WNT7B: variants seen among roughly 807,000 people sequenced by gnomAD.
WNT7B encodes the protein protein Wnt-7b.
A neutral mutation model predicts 38.2 loss-of-function variants in WNT7B; 19 were observed. That is an observed-to-expected ratio of 0.50 (90% CI 0.35 to 0.73). The LOEUF is 0.73. Ranked by LOEUF, WNT7B falls within the 30% of genes least tolerant of loss-of-function variation. The pLI is 0.01. For missense variants in WNT7B, 423 were observed against 507.9 expected, an observed-to-expected ratio of 0.83 and a Z score of 1.61; for synonymous variants, 243 against 209.3, an observed-to-expected ratio of 1.16 and a Z score of -1.39.
chr22:45,967,363 C>T (rs1221435204), intron 1 of WNT7B, among the ~76,000 whole-genome samples: 1 of 152,186 alleles, frequency 6.6e-6, no homozygotes, highest in African/African-American at 2.4e-5. Context: ...CCTTAGGAGC[C>T]TGCTACCGCC....
At chr22:45,960,691 T>G (rs940261131) in intron 1 of WNT7B, among the ~76,000 whole-genome samples, 12 of 152,350 alleles carry the variant, frequency 7.9e-5, no homozygotes, top group African/African-American at 2.2e-4. Context: ...ATGTTCCAAT[T>G]ATCTGTGATC....
At chr22:45,924,734 C>G (rs1931024192) in intron 3 of WNT7B, among the ~76,000 whole-genome samples, 1 of 144,484 alleles carries the variant, frequency 6.9e-6, no homozygotes, top group Non-Finnish European at 1.5e-5. Flanking sequence ...CCTAGACTGG[C>G]AGGTGGGTGC....
chr22:45,929,471 T>TC, intron 3 of WNT7B, among the ~76,000 whole-genome samples: 2 of 118,262 alleles, frequency 1.7e-5, no homozygotes, highest in African/African-American at 7.4e-5. Context: ...CATCTACTTA[T>TC]CCTTCCATCT....
intron 3 of WNT7B, chr22:45,925,700 G>A: frequency 2.0e-6 from 2 of 985,384 alleles, no homozygotes; most frequent in Middle Eastern, 5.2e-4. Context: ...CCTGGCCCTG[G>A]CCACACGGCC....
In WNT7B at chr22:45,966,179, T is replaced by C. The variant is rs2146749947; in HGVS notation, c.71+10505A>G. Among the ~76,000 whole-genome samples the C allele has an allele frequency of 6.6e-6, 1 of 151,978 alleles. No individual in the cohort carries two copies. The highest frequency in any genetic ancestry group is 2.1e-4 in the South Asian group (1 of 4,822). On this transcript the variant is annotated intron_variant, in intron 1 of 3. Transcript: ENST00000339464. This position sits in a 1 kb window ranked among gnomAD's most constrained non-coding sequence, Gnocchi z 4.2. ...GGAGGGCCTTCTGGGGGAAACTGAG[T>C]CCTCCAGAAGTGGGAATGCCTCATC...
intron 1 of WNT7B, among the ~76,000 whole-genome samples, chr22:45,970,741 C>T (rs934958399): frequency 3.3e-5 from 5 of 152,154 alleles, no homozygotes; most frequent in Admixed American, 2.6e-4. Context: ...AACCGCTAGA[C>T]GCTGAAATTC....
chr22:45,954,830 C>A (rs1304816516), intron 1 of WNT7B: 2 of 880,964 alleles, frequency 2.3e-6, no homozygotes, highest in African/African-American at 3.6e-5. Flanking sequence ...GGACCTCAGA[C>A]CTCACCTATG....
chr22:45,926,852 C>G (rs1329721005), intron 3 of WNT7B: 1 of 985,278 alleles, frequency 1.0e-6, no homozygotes, highest in East Asian at 1.1e-4. Flanking sequence ...GGAGGGTGTG[C>G]CCCTCCCAGG....
rs1286417906 is a variant in WNT7B at position 45,975,766 on chromosome 22, C to G, written c.71+918G>C. 8.2e-6 allele frequency: 3 copies of G among 367,900 alleles called. No homozygotes were observed. The South Asian group carries it at 3.0e-4, about 37-fold the overall frequency. The allele number at this position is 367,900 out of a possible 1,614,324, so 22.8% of individuals were successfully genotyped here. A position where few individuals can be genotyped will look rare whatever the true frequency, so the allele number is the denominator to read the frequency against. ...GCGCAGGGCGCGGCGGGGCCCGGGT[C>G]CCCGCAGGTGCGAGGAGCGCGGGGC... On this transcript the variant is annotated intron_variant, in intron 1 of 3. Coordinates refer to ENST00000339464, the MANE Select transcript of WNT7B (RefSeq NM_058238.3). This position sits in a 1 kb window ranked among gnomAD's most constrained non-coding sequence, Gnocchi z 6.6.
chr22:45,975,037 C>T lies in WNT7B; in HGVS notation c.71+1647G>A, dbSNP rs374872287. Among the ~76,000 whole-genome samples the T allele has an allele frequency of 3.4e-3, 515 of 152,262 alleles. 4 individuals carry two copies. Among genetic ancestry groups the T allele is most frequent in the South Asian group, 0.016 (75 of 4,818 alleles). On this transcript the variant is annotated intron_variant, in intron 1 of 3. Transcript: ENST00000339464. The surrounding 1 kb of genome is among the most constrained non-coding windows in gnomAD (Gnocchi z 6.6). ...CCGATGACTGAGGCAGAAGAATGGA[C>T]GCTAGGAACAGCAGCCCACAGTGGG...
intron 2 of WNT7B, among the ~76,000 whole-genome samples, chr22:45,933,614 A>G (rs892761811): frequency 1.8e-4 from 28 of 152,124 alleles, no homozygotes; most frequent in Admixed American, 1.7e-3. Flanking sequence ...AAGGGTGGAG[A>G]AGGGCCACAG....
At position 45,926,271 on chromosome 22, in the gene WNT7B, G is replaced by T. The variant is rs368725966; in HGVS notation, c.571-2936C>A. The T allele has an allele frequency of 4.1e-5, 40 of 985,388 alleles. No homozygotes were observed. In the African/African-American group the frequency reaches 5.6e-4, roughly 14 times the overall value. The allele number at this position is 985,388 out of a possible 1,614,324, so 61.0% of individuals were successfully genotyped here. A position where few individuals can be genotyped will look rare whatever the true frequency, so the allele number is the denominator to read the frequency against. The stretch of plus-strand genomic sequence containing the variant: ...GTGCCAGCACTGAGACCGGCCCCCT[G>T]CCCCAAGAGACCACCTGGCAGGGCA... On this transcript the variant is annotated intron_variant, in intron 3 of 3. Transcript: ENST00000339464.
rs1460574364 is a variant in WNT7B, at chr22:45,976,901, G to A, written c.-147C>T. ...GGCGGCCGGCGACGCGCGGGCACTC[G>A]GCGCGCGCTGCCACCATGGTGAGCC... is the stretch of plus-strand genomic sequence containing the variant. On this transcript the variant is annotated 5_prime_UTR_variant, in exon 1 of 4. Coordinates refer to ENST00000339464, the MANE Select transcript of WNT7B (RefSeq NM_058238.3). The surrounding 1 kb of genome is among the most constrained non-coding windows in gnomAD (Gnocchi z 8.5). 1 of 995,690 alleles carries A rather than the reference G, an allele frequency of 1.0e-6. No individual in the cohort carries two copies. Among genetic ancestry groups the A allele is most frequent in the East Asian group, 1.1e-4 (1 of 9,052 alleles). 61.7% of individuals were successfully genotyped at this position (995,690 alleles called of 1,614,324 possible). A position where few individuals can be genotyped will look rare whatever the true frequency, so the allele number is the denominator to read the frequency against.
At chr22:45,929,871 TCC>T (rs1569111499) in intron 3 of WNT7B, among the ~76,000 whole-genome samples, 42 of 141,654 alleles carry the variant, frequency 3.0e-4, no homozygotes, top group African/African-American at 1.1e-3. Context: ...CATCCATCCA[TCC>T]AACCATCTAC....
chr22:45,944,437 C>T (rs1199779329), intron 2 of WNT7B, among the ~76,000 whole-genome samples: 3 of 152,216 alleles, frequency 2.0e-5, no homozygotes, highest in Non-Finnish European at 4.4e-5. Context: ...CTCGTCCCAC[C>T]CTGAGCCAGG....
At chr22:45,927,212 A>C (rs1235807421) in intron 3 of WNT7B, 2 of 985,294 alleles carry the variant, frequency 2.0e-6, no homozygotes, top group Admixed American at 6.1e-5. Context: ...GGGGCCGGGC[A>C]CTGGGCACTC....
intron 3 of WNT7B, among the ~76,000 whole-genome samples, chr22:45,929,286 C>T (rs892656088): frequency 1.3e-5 from 2 of 152,182 alleles, no homozygotes; most frequent in African/African-American, 4.8e-5. Flanking sequence ...CTGCCTGTAC[C>T]TGGAGACTAG....
At chr22:45,972,127 C>CA (rs1932458355) in intron 1 of WNT7B, 1 of 582,124 alleles carries the variant, frequency 1.7e-6, no homozygotes. Flanking sequence ...CCCACCCGCC[C>CA]ACCCCGCACG....
At chr22:45,934,639 G>A (rs531935147) in intron 2 of WNT7B, among the ~76,000 whole-genome samples, 4 of 152,300 alleles carry the variant, frequency 2.6e-5, no homozygotes, top group South Asian at 4.1e-4. Flanking sequence ...GCAGATCCAC[G>A]GCTGGGTTTG....
Sources: gnomAD v4.1 joint callset for allele counts (sites outside exome capture counted in the v4.1 genomes callset) on GRCh38, gnomAD v4.1.1 for gene constraint, Gnocchi (gnomAD v3.1) non-coding constraint, MANE v1.5 for transcripts, NCBI Gene and HGNC (gene_info 2026-07-23, HGNC 2026-07-21) for gene names.